The following COLEC11 variants were observed in gnomAD, a reference collection of about 807,000 sequenced individuals.
COLEC11 encodes the protein collectin subfamily member 11.
COLEC11 carries 20 observed loss-of-function variants against 27.3 expected under a neutral mutation model. The observed-to-expected ratio is 0.73, with a 90% confidence interval of 0.51 to 1.06. The LOEUF is 1.06. COLEC11 is among the 50% of genes least tolerant of loss of function. The pLI, the probability that COLEC11 is intolerant of heterozygous loss-of-function variation, is 0.00. For synonymous variants in COLEC11, 163 were observed against 154.7 expected (o/e 1.05, Z -0.40); for missense variants, 310 against 383.0 (o/e 0.81, Z 1.59).
chr2:3,597,206 G>C (rs1348154058), intron 1 of COLEC11, among the ~76,000 whole-genome samples: 2 of 152,124 alleles, frequency 1.3e-5, no homozygotes, highest in East Asian at 1.9e-4. Context: ...ATCCCGGCCT[G>C]GGCTGCTCCG....
At chr2:3,604,847 TGTGTTAAGTTCCCAAA>T (rs1662518022) in intron 2 of COLEC11, among the ~76,000 whole-genome samples, 1 of 152,142 alleles carries the variant, frequency 6.6e-6, no homozygotes, top group South Asian at 2.1e-4. Context: ...ATTTGCAACT[TGTGTTAAGTTCCCAAA>T]GTGTGCTTCT....
At chr2:3,642,795 A>G (rs551299670) in intron 5 of COLEC11, among the ~76,000 whole-genome samples, 1 of 151,818 alleles carries the variant, frequency 6.6e-6, no homozygotes, top group East Asian at 2.0e-4. Context: ...TGCCTTCCTC[A>G]CTTCCTCCCA....
At chr2:3,599,785 G>A (rs1038155847) in intron 1 of COLEC11, among the ~76,000 whole-genome samples, 2 of 152,196 alleles carry the variant, frequency 1.3e-5, no homozygotes, top group African/African-American at 4.8e-5. Flanking sequence ...AGTCATGAGG[G>A]TGAGCTCCAC....
chr2:3,616,604 C>G (rs139630953), intron 3 of COLEC11, among the ~76,000 whole-genome samples: 6 of 152,258 alleles, frequency 3.9e-5, no homozygotes, highest in African/African-American at 9.6e-5. Flanking sequence ...CAAAAAAATA[C>G]GAAAACCAGT....
chr2:3,634,360 G>A (rs1386493795), intron 3 of COLEC11, among the ~76,000 whole-genome samples: 1 of 152,170 alleles, frequency 6.6e-6, no homozygotes, highest in Admixed American at 6.5e-5. Flanking sequence ...AATTCAGCTG[G>A]CTTTGCATTT....
Position 3,644,152 on chromosome 2 carries a change from C to A in COLEC11, c.*34C>A. ...CTGGGGCTGCCCATTGGGGGCCCCACATGTCCCTGCAGGGTTGGCAGGGAC... is the reference window on the plus strand; with the variant it reads ...CTGGGGCTGCCCATTGGGGGCCCCAAATGTCCCTGCAGGGTTGGCAGGGAC... On this transcript the variant is annotated 3_prime_UTR_variant, in exon 7 of 7. Coordinates refer to ENST00000349077, the MANE Select transcript of COLEC11 (RefSeq NM_024027.5). The A allele has an allele frequency of 6.2e-7, 1 of 1,601,578 alleles. No individual in the cohort carries two copies. Among genetic ancestry groups the A allele is most frequent in the Non-Finnish European group, 8.5e-7 (1 of 1,179,836 alleles).
chr2:3,632,717 G>C (rs989432437), intron 3 of COLEC11, among the ~76,000 whole-genome samples: 2 of 152,184 alleles, frequency 1.3e-5, no homozygotes, highest in African/African-American at 4.8e-5. Flanking sequence ...TGTACGTGTG[G>C]ATGTGGTTTC....
In COLEC11 at chr2:3,631,795, C is replaced by T. The variant is rs576239882; in HGVS notation, c.203-5738C>T. ...CCTGCTGCTTTGCACACTCTGGTCT[C>T]TTGGTCTCTGTCTCCTGCCTCCTGG... On this transcript the variant is annotated intron_variant, in intron 3 of 6. Transcript: ENST00000349077. Among the ~76,000 whole-genome samples, 9 of 151,976 alleles carry T rather than the reference C, an allele frequency of 5.9e-5. No individual in the cohort carries two copies. In the East Asian group the frequency reaches 1.7e-3, roughly 29 times the overall value.
rs779142171 is a variant in COLEC11 at position 3,604,366 on chromosome 2, G to T, written c.26G>T (p.Gly9Val). Residue 9 changes from glycine (G) to valine (V), a missense_variant, in exon 2 of 7, where the codon GGC becomes GTC. By Grantham distance (109) the Gly-to-Val change is moderately radical. Coordinates refer to ENST00000349077, the MANE Select transcript of COLEC11 (RefSeq NM_024027.5). ...ATGAGGGGGAATCTGGCCCTGGTGG[G>T]CGTTCTAATCAGCCTGGCCTTCCTG... MRGNLALV[G>V]VLISLAFLSL... 3 of 1,614,122 alleles carry T rather than the reference G, an allele frequency of 1.9e-6. No individual in the cohort carries two copies. Among genetic ancestry groups the T allele is most frequent in the Non-Finnish European group, 2.5e-6 (3 of 1,180,054 alleles).
chr2:3,624,756 A>G (rs1037988134), intron 3 of COLEC11, among the ~76,000 whole-genome samples: 1 of 152,200 alleles, frequency 6.6e-6, no homozygotes, highest in Admixed American at 6.5e-5. Context: ...CCAGACTCCT[A>G]CAAAGACACT....
intron 2 of COLEC11, among the ~76,000 whole-genome samples, chr2:3,612,123 C>T (rs11884814): frequency 0.022 from 3,383 of 152,076 alleles, 128 homozygotes; most frequent in African/African-American, 0.078. Context: ...TTTACGTGAA[C>T]GCTGGCACAA....
At position 3,606,126 on chromosome 2, in the gene COLEC11, C is replaced by T. The variant is rs1430655202; in HGVS notation, c.130+1656C>T. 4 of 1,550,472 alleles carry T rather than the reference C, an allele frequency of 2.6e-6. No homozygotes were observed. In the African/African-American group the frequency reaches 4.1e-5, roughly 16 times the overall value. On this transcript the variant is annotated intron_variant, in intron 2 of 6. Coordinates refer to ENST00000349077, the MANE Select transcript of COLEC11 (RefSeq NM_024027.5). ...GTGGGTTTGTGAGTGGAACCTTCAGCTTTAGGTTGGAAACGGTGGCTGTGG... is the reference window on the plus strand; with the variant it reads ...GTGGGTTTGTGAGTGGAACCTTCAGTTTTAGGTTGGAAACGGTGGCTGTGG...
rs1391630862 is a variant in COLEC11 at position 3,637,622 on chromosome 2, C to T, written c.274+18C>T. On this transcript the variant is annotated intron_variant, in intron 4 of 6. Transcript: ENST00000349077. Reference sequence around the variant, plus strand: ...CTCTAAAGGTATTTGCAATGCGATTCTTGCCTCATTTCCCCCCTGCCCCTA... The same window carrying T: ...CTCTAAAGGTATTTGCAATGCGATTTTTGCCTCATTTCCCCCCTGCCCCTA... 6.2e-6 allele frequency: 10 copies of T among 1,605,336 alleles called. No homozygotes were observed. Among genetic ancestry groups the T allele is most frequent in the South Asian group, 5.5e-5 (5 of 90,904 alleles).
chr2:3,632,320 G>A (rs1004818793), intron 3 of COLEC11, among the ~76,000 whole-genome samples: 1 of 152,184 alleles, frequency 6.6e-6, no homozygotes, highest in African/African-American at 2.4e-5. Context: ...TTCTGGAGCA[G>A]AGGGCAGTGT....
chr2:3,629,886 T>G (rs1035439463), intron 3 of COLEC11, among the ~76,000 whole-genome samples: 1 of 152,232 alleles, frequency 6.6e-6, no homozygotes, highest in African/African-American at 2.4e-5. Context: ...TATCCACGTA[T>G]GTAGGTTTGT....
intron 3 of COLEC11, among the ~76,000 whole-genome samples, chr2:3,632,134 A>G (rs1053533307): frequency 1.3e-5 from 2 of 152,190 alleles, no homozygotes; most frequent in African/African-American, 4.8e-5. Flanking sequence ...CTTGACAGAC[A>G]GGGAAACTGA....
chr2:3,603,603 C>A lies in COLEC11; in HGVS notation c.-26-712C>A, dbSNP rs749609511. On this transcript the variant is annotated intron_variant, in intron 1 of 6. Coordinates refer to ENST00000349077, the MANE Select transcript of COLEC11 (RefSeq NM_024027.5). ...AAGTGCTGGAATTACAGGTGTGAGC[C>A]ACTGCGCCTGGTCTTGTTTTCCAAG... The A allele has an allele frequency of 3.9e-6, 6 of 1,549,564 alleles. No homozygotes were observed. In the South Asian group the frequency reaches 7.1e-5, roughly 18 times the overall value.
chr2:3,604,795 G>A (rs889601317), intron 2 of COLEC11, among the ~76,000 whole-genome samples: 2 of 152,174 alleles, frequency 1.3e-5, no homozygotes, highest in Non-Finnish European at 2.9e-5. Context: ...ATGATCTCAT[G>A]TGGACCATTT....
chr2:3,604,546 G>A, intron 2 of COLEC11, 76 bp downstream of exon 2: 1 of 1,520,078 alleles, frequency 6.6e-7, no homozygotes, highest in Admixed American at 1.7e-5. Context: ...CAACTGCGCA[G>A]TTCCACGGAA....
Sources: allele counts gnomAD v4.1 joint callset (sites outside exome capture counted in the v4.1 genomes callset), GRCh38; gene constraint gnomAD v4.1.1; transcripts MANE v1.5; gene names NCBI Gene and HGNC (gene_info 2026-07-23, HGNC 2026-07-21).